PPM1E: variants seen among roughly 807,000 people sequenced by gnomAD.
PPM1E encodes the protein protein phosphatase 1E.
A neutral mutation model predicts 65.9 loss-of-function variants in PPM1E; 20 were observed. The ratio of observed to expected loss-of-function variants is 0.30; its 90% CI spans 0.21 to 0.44. PPM1E has a LOEUF of 0.44. Ranked by LOEUF, PPM1E falls within the 20% of genes least tolerant of loss-of-function variation. The probability of loss-of-function intolerance (pLI) is 1.00; values close to 1 mark genes in which losing one functional copy is unlikely to be tolerated. For synonymous variants in PPM1E, 352 were observed against 374.9 expected (o/e 0.94, Z 0.70); for missense variants, 713 against 953.1 (o/e 0.75, Z 3.32).
At chr17:58,867,802 A>G (rs1205128451) in intron 1 of PPM1E, among the ~76,000 whole-genome samples, 3 of 152,178 alleles carry the variant, frequency 2.0e-5, no homozygotes, top group African/African-American at 7.2e-5. Context: ...GAGTATGGCT[A>G]TTATATAATT....
intron 1 of PPM1E, among the ~76,000 whole-genome samples, chr17:58,895,921 C>T (rs886145853): frequency 6.1e-5 from 9 of 146,506 alleles, no homozygotes; most frequent in South Asian, 2.2e-4. Flanking sequence ...CTAGCTAACA[C>T]GGTTAAACCC....
rs189356151 is a variant in PPM1E at position 58,791,386 on chromosome 17, T to C, written c.464+34925T>C. On this transcript the variant is annotated intron_variant, in intron 1 of 6. Transcript: ENST00000308249. ...ATGGCAACATACAATTGTTTAATAA[T>C]GTTTTGTCTTTCTGCTCAACTCTGC... Among the ~76,000 whole-genome samples the C allele has an allele frequency of 8.3e-4, 126 of 152,306 alleles. 1 individual carries two copies. Among genetic ancestry groups the C allele is most frequent in the Admixed American group, 3.9e-3 (60 of 15,284 alleles).
chr17:58,864,249 T>G (rs1404906175), intron 1 of PPM1E, among the ~76,000 whole-genome samples: 3 of 152,200 alleles, frequency 2.0e-5, no homozygotes, highest in African/African-American at 7.2e-5. Context: ...TTATTTCTTT[T>G]GTCCACGACA....
At chr17:58,763,508 C>T (rs937760260) in intron 1 of PPM1E, among the ~76,000 whole-genome samples, 11 of 152,086 alleles carry the variant, frequency 7.2e-5, no homozygotes, top group Admixed American at 6.6e-5. Context: ...ACACTATGGA[C>T]AAAGAGTACA....
At chr17:58,788,195 C>T (rs1285496427) in intron 1 of PPM1E, among the ~76,000 whole-genome samples, 1 of 151,902 alleles carries the variant, frequency 6.6e-6, no homozygotes, top group Admixed American at 6.6e-5. Flanking sequence ...GGATTACAGG[C>T]GCTCGGCACC....
intron 1 of PPM1E, among the ~76,000 whole-genome samples, chr17:58,887,793 A>G (rs189277870): frequency 1.1e-4 from 17 of 152,296 alleles, no homozygotes; most frequent in Admixed American, 1.1e-3. Flanking sequence ...TGCATTTTTA[A>G]TGGATCATTC....
chr17:58,945,108 G>A (rs2052129311), intron 1 of PPM1E, among the ~76,000 whole-genome samples: 1 of 150,604 alleles, frequency 6.6e-6, no homozygotes, highest in African/African-American at 2.4e-5. Flanking sequence ...GTTAAAAGGG[G>A]AAGAAAAAAA....
chr17:58,937,560 C>T (rs2051999921), intron 1 of PPM1E, among the ~76,000 whole-genome samples: 1 of 148,882 alleles, frequency 6.7e-6, no homozygotes, highest in African/African-American at 2.5e-5. Context: ...CATACCTGGC[C>T]AGTATTATTT....
intron 1 of PPM1E, among the ~76,000 whole-genome samples, chr17:58,901,860 C>T (rs577040355): frequency 6.6e-6 from 1 of 151,908 alleles, no homozygotes; most frequent in African/African-American, 2.4e-5. Flanking sequence ...CCTGTAATCC[C>T]AGCTACTCGG....
intron 1 of PPM1E, among the ~76,000 whole-genome samples, chr17:58,790,153 G>A (rs1381763317): frequency 6.6e-6 from 1 of 152,042 alleles, no homozygotes; most frequent in East Asian, 1.9e-4. Flanking sequence ...CAAACTCCTG[G>A]GCTCAAGGGA....
chr17:58,857,525 G>T (rs1454078714), intron 1 of PPM1E, among the ~76,000 whole-genome samples: 1 of 151,988 alleles, frequency 6.6e-6, no homozygotes, highest in Non-Finnish European at 1.5e-5. Context: ...GTTACTGAGA[G>T]AATTAAATGA....
At chr17:58,768,360 A>T (rs1490572342) in intron 1 of PPM1E, among the ~76,000 whole-genome samples, 4 of 152,086 alleles carry the variant, frequency 2.6e-5, no homozygotes, top group African/African-American at 9.7e-5. Flanking sequence ...GATTGTAGGT[A>T]TGAGCTACCT....
In PPM1E at chr17:58,805,698, A is replaced by C. The variant is rs180761206; in HGVS notation, c.464+49237A>C. The stretch of plus-strand genomic sequence containing the variant: ...TGTGACCTCACTAAAATACCCCTGA[A>C]TGGAAAGAAAGTCATCATACTAGTA... On this transcript the variant is annotated intron_variant, in intron 1 of 6. Coordinates refer to ENST00000308249, the MANE Select transcript of PPM1E (RefSeq NM_014906.5). 2.6e-5 allele frequency among the ~76,000 whole-genome samples: 4 copies of C among 152,232 alleles called. No individual in the cohort carries two copies. In the East Asian group the frequency reaches 7.7e-4, roughly 29 times the overall value.
intron 1 of PPM1E, among the ~76,000 whole-genome samples, chr17:58,790,330 G>A (rs2050145274): frequency 6.6e-6 from 1 of 151,946 alleles, no homozygotes; most frequent in Non-Finnish European, 1.5e-5. Context: ...TTTCAAAACT[G>A]GTGACATGAG....
chr17:58,826,767 A>C (rs994894086), intron 1 of PPM1E, among the ~76,000 whole-genome samples: 1 of 151,880 alleles, frequency 6.6e-6, no homozygotes, highest in Non-Finnish European at 1.5e-5. Flanking sequence ...CTGGGAATAC[A>C]GGTGCATGCC....
At chr17:58,778,387 A>G (rs2144198503) in intron 1 of PPM1E, among the ~76,000 whole-genome samples, 1 of 141,514 alleles carries the variant, frequency 7.1e-6, no homozygotes, top group African/African-American at 2.6e-5. Context: ...GACATCAGCC[A>G]CTGTGGCTGG....
Position 58,980,440 on chromosome 17 carries a change from C to T in PPM1E, c.1677C>T (p.Ser559=), listed in dbSNP as rs374167393. The T allele has an allele frequency of 2.5e-6, 4 of 1,613,918 alleles. No individual in the cohort carries two copies. The African/African-American group carries it at 5.3e-5, about 22-fold the overall frequency. ...FTDRTSLSPG[S]QINVLEDPGY... ...ATAGAACTAGCCTGAGCCCAGGGTC[C>T]CAAATCAACGTGCTGGAAGACCCAG... is the stretch of plus-strand genomic sequence containing the variant. Residue 559 remains serine (S), a synonymous_variant, in exon 7 of 7, where the codon TCC becomes TCT. Transcript: ENST00000308249. This position sits in a 1 kb window ranked among gnomAD's most constrained non-coding sequence, Gnocchi z 4.7.
At chr17:58,945,941 T>G (rs773393167) in intron 1 of PPM1E, among the ~76,000 whole-genome samples, 4 of 152,134 alleles carry the variant, frequency 2.6e-5, no homozygotes, top group Non-Finnish European at 4.4e-5. Context: ...CTTTTAAGGA[T>G]TTGCATGGAG....
At chr17:58,802,227 C>T (rs2050265204) in intron 1 of PPM1E, among the ~76,000 whole-genome samples, 1 of 152,072 alleles carries the variant, frequency 6.6e-6, no homozygotes, top group African/African-American at 2.4e-5. Context: ...TAATAAGGGT[C>T]CAACTTCATA....
Sources: allele counts gnomAD v4.1 joint callset (sites outside exome capture counted in the v4.1 genomes callset), GRCh38; gene constraint gnomAD v4.1.1; non-coding constraint Gnocchi (gnomAD v3.1); transcripts MANE v1.5; gene names NCBI Gene and HGNC (gene_info 2026-07-23, HGNC 2026-07-21).